FRG1: variants seen among roughly 807,000 people sequenced by gnomAD.
FRG1 encodes protein FRG1.
A neutral mutation model predicts 37.0 loss-of-function variants in FRG1; 19 were observed. That is an observed-to-expected ratio of 0.51 (90% CI 0.36 to 0.75). The LOEUF is 0.75. Among genes scored for constraint, FRG1 ranks in the 30% least tolerant of loss-of-function variants. The probability of loss-of-function intolerance (pLI) is 0.00; values close to 1 mark genes in which losing one functional copy is unlikely to be tolerated. For missense variants in FRG1, 243 were observed against 301.4 expected (o/e 0.81, Z 1.44); for synonymous variants, 73 against 96.5 (o/e 0.76, Z 1.43).
At chr4:189,951,485 G>A (rs1185518494) in intron 2 of FRG1, among the ~76,000 whole-genome samples, 1 of 114,134 alleles carries the variant, frequency 8.8e-6, no homozygotes, top group East Asian at 2.4e-4. Context: ...GCGAGTCTCC[G>A]TCTCAAAAAA....
At position 189,952,182 on chromosome 4, in the gene FRG1, A is replaced by G. The variant is rs1039888320; in HGVS notation, c.154A>G (p.Asn52Asp). The change falls in exon 3 of 9, where the codon AAC (asparagine) becomes GAC (aspartate). Residue 52 changes from asparagine to aspartate, a missense_variant. Around this residue, in one of 2 missense-constraint regions of FRG1, gnomAD observed 110 missense variants for 102.2 expected, o/e 1.08. Transcript: ENST00000226798. The stretch of plus-strand genomic sequence containing the variant: ...TTTAGGAATCTGGTGGACAGTAACA[A>G]ACTTTGGTGAAATTTCAGGAACCAT... ...DIVGIWWTVT[N>D]FGEISGTIAI... The G allele has an allele frequency of 6.3e-7, 1 of 1,597,058 alleles. No homozygotes were observed. Among genetic ancestry groups the G allele is most frequent in the Non-Finnish European group, 8.5e-7 (1 of 1,170,690 alleles).
intron 2 of FRG1, 107 bp downstream of exon 2, chr4:189,943,379 A>C: frequency 7.8e-7 from 1 of 1,274,446 alleles, no homozygotes; most frequent in Non-Finnish European, 1.1e-6. Context: ...TATTTGTCTT[A>C]AAGTGCTTAA....
rs1190789832 is a variant in FRG1 at position 189,940,973 on chromosome 4, C to G, written c.-37C>G. The G allele has an allele frequency of 3.8e-6, 6 of 1,577,642 alleles. No individual in the cohort carries two copies. In the South Asian group the frequency reaches 6.7e-5, roughly 18 times the overall value. ...CCCGACTCACATACTCGTCCAGAAC[C>G]GGCCTCAGCCTCTCCGCGCAGAAGT... is the stretch of plus-strand genomic sequence containing the variant. On this transcript the variant is annotated 5_prime_UTR_variant, in exon 1 of 9. Transcript: ENST00000226798.
At chr4:189,956,316 G>A (rs1445362070) in intron 5 of FRG1, among the ~76,000 whole-genome samples, 1 of 152,044 alleles carries the variant, frequency 6.6e-6, no homozygotes, top group East Asian at 1.9e-4. Flanking sequence ...TAGTTAGGAT[G>A]AGATACTTCT....
chr4:189,958,195 T>C (rs1312320712), intron 6 of FRG1, among the ~76,000 whole-genome samples: 3 of 152,182 alleles, frequency 2.0e-5, no homozygotes, highest in Non-Finnish European at 4.4e-5. Flanking sequence ...ATTTATTTAG[T>C]CTTTTATAGA....
At chr4:189,956,980 C>T (rs1366187247) in intron 5 of FRG1, among the ~76,000 whole-genome samples, 1 of 152,112 alleles carries the variant, frequency 6.6e-6, no homozygotes, top group Non-Finnish European at 1.5e-5. Flanking sequence ...ATTGTATGTA[C>T]CTTTTCATGT....
At chr4:189,946,846 TTTG>T (rs1736550525) in intron 2 of FRG1, among the ~76,000 whole-genome samples, 2 of 149,814 alleles carry the variant, frequency 1.3e-5, no homozygotes, top group Non-Finnish European at 2.9e-5. Context: ...GGGTTTTTTG[TTTG>T]TTTGTTTGTT....
At chr4:189,943,357 A>G (rs1736400809) in intron 2 of FRG1, 85 bp downstream of exon 2, 1 of 1,460,310 alleles carries the variant, frequency 6.8e-7, no homozygotes, top group Admixed American at 2.2e-5. Context: ...TTAGAAATTT[A>G]TGATGTATTC....
rs768695689 is a variant in FRG1 at position 189,941,023 on chromosome 4, C to T, written c.14C>T (p.Ser5Phe). The change falls in exon 1 of 9, where the codon TCC (serine) becomes TTC (phenylalanine). Residue 5 changes from serine (S) to phenylalanine (F), a missense_variant. Around this residue, in one of 2 missense-constraint regions of FRG1, gnomAD observed 110 missense variants for 102.2 expected, o/e 1.08. Coordinates refer to ENST00000226798, the MANE Select transcript of FRG1 (RefSeq NM_004477.3). ...TTTCCCGGAGCCATGGCCGAGTACTCCTACGTGAAGTCTACCAAGCTCGTG... is the reference window on the plus strand; with the variant it reads ...TTTCCCGGAGCCATGGCCGAGTACTTCTACGTGAAGTCTACCAAGCTCGTG... The part of the protein sequence containing the change: MAEY[S>F]YVKSTKLVLK... 35 of 1,613,966 alleles carry T rather than the reference C, an allele frequency of 2.2e-5. 1 individual carries two copies. The South Asian group carries it at 3.7e-4, about 17-fold the overall frequency.
intron 6 of FRG1, among the ~76,000 whole-genome samples, chr4:189,959,328 C>T (rs112459432): frequency 4.0e-5 from 6 of 151,838 alleles, no homozygotes; most frequent in Admixed American, 1.3e-4. Context: ...TCCATAATGC[C>T]CCTGTGAGGT....
At position 189,957,427 on chromosome 4, in the gene FRG1, C is replaced by G; in HGVS notation, c.462C>G (p.Ser154Arg). The G allele has an allele frequency of 6.2e-7, 1 of 1,612,456 alleles. No homozygotes were observed. Among genetic ancestry groups the G allele is most frequent in the Non-Finnish European group, 8.5e-7 (1 of 1,179,094 alleles). Residue 154 changes from serine to arginine, a missense_variant, in exon 6 of 9, where the codon AGC becomes AGG. Around this residue, in one of 2 missense-constraint regions of FRG1, gnomAD observed 133 missense variants for 199.3 expected, o/e 0.67. Coordinates refer to ENST00000226798, the MANE Select transcript of FRG1 (RefSeq NM_004477.3). ...NGKMALLASN[S>R]CFIRCNEAGD... Reference sequence around the variant, plus strand: ...AAATGGCTTTGTTGGCCTCAAATAGCTGCTTTATTAGATGCAATGAAGCAG... The same window carrying G: ...AAATGGCTTTGTTGGCCTCAAATAGGTGCTTTATTAGATGCAATGAAGCAG...
intron 5 of FRG1, among the ~76,000 whole-genome samples, chr4:189,955,499 C>T (rs1203003142): frequency 6.6e-6 from 1 of 152,092 alleles, no homozygotes; most frequent in East Asian, 1.9e-4. Flanking sequence ...ACATTAGAGA[C>T]TGTAAGCGAA....
intron 5 of FRG1, among the ~76,000 whole-genome samples, chr4:189,956,163 C>G (rs143716459): frequency 1.3e-5 from 2 of 151,974 alleles, no homozygotes; most frequent in African/African-American, 4.8e-5. Flanking sequence ...TGTTATGCAC[C>G]TTGATATTTC....
chr4:189,949,715 G>A (rs1273723091), intron 2 of FRG1, among the ~76,000 whole-genome samples: 2 of 152,100 alleles, frequency 1.3e-5, no homozygotes, highest in Non-Finnish European at 2.9e-5. Flanking sequence ...TGTTGATAAT[G>A]ATTCTGAATA....
chr4:189,961,583 T>G, intron 7 of FRG1: 1 of 270,460 alleles, frequency 3.7e-6, no homozygotes, highest in Non-Finnish European at 7.0e-6. Context: ...AATTTTTGTA[T>G]TTTTGGTAGA....
chr4:189,960,114 G>A (rs571944948), intron 6 of FRG1, among the ~76,000 whole-genome samples: 21 of 152,170 alleles, frequency 1.4e-4, no homozygotes, highest in African/African-American at 5.1e-4. Flanking sequence ...AGCAGCCCTG[G>A]AACTGGACTC....
intron 5 of FRG1, among the ~76,000 whole-genome samples, chr4:189,956,948 C>G (rs1300908838): frequency 6.6e-6 from 1 of 152,136 alleles, no homozygotes; most frequent in Admixed American, 6.5e-5. Flanking sequence ...GACATTGATT[C>G]TTAAATTCAA....
At chr4:189,961,579 T>C (rs1193860542) in intron 7 of FRG1, 2 of 267,102 alleles carry the variant, frequency 7.5e-6, no homozygotes, top group Non-Finnish European at 1.4e-5. Flanking sequence ...GGCTAATTTT[T>C]GTATTTTTGG....
At chr4:189,953,809 G>A (rs1736864406) in intron 4 of FRG1, among the ~76,000 whole-genome samples, 1 of 152,030 alleles carries the variant, frequency 6.6e-6, no homozygotes, top group Admixed American at 6.6e-5. Context: ...TACTTTCTTT[G>A]AAAGTCTGAT....
Sources: allele counts gnomAD v4.1 joint callset (sites outside exome capture counted in the v4.1 genomes callset), GRCh38; gene constraint gnomAD v4.1.1; regional missense constraint gnomAD v4.1.1; transcripts MANE v1.5; gene names NCBI Gene and HGNC (gene_info 2026-07-23, HGNC 2026-07-21).